The following DBX2 variants were observed in gnomAD, a reference collection of about 807,000 sequenced individuals.
DBX2 encodes developing brain homeobox 2.
Under a neutral mutation model 17.7 loss-of-function variants are expected in DBX2, and 16 were observed. The ratio of observed to expected loss-of-function variants is 0.90; its 90% CI spans 0.61 to 1.37. The LOEUF (loss-of-function observed/expected upper bound fraction) is 1.37, where lower values mean the gene tolerates loss of function less well. DBX2 is among the 40% of genes most tolerant of loss of function. DBX2 has a pLI of 0.00. For synonymous variants in DBX2, 255 were observed against 183.8 expected, an observed-to-expected ratio of 1.39 and a Z score of -3.13; for missense variants, 538 against 433.8, an observed-to-expected ratio of 1.24 and a Z score of -2.13.
chr12:45,014,725 A>G lies in DBX2; in HGVS notation c.*1561T>C, dbSNP rs897832517. 3.3e-5 allele frequency: 5 copies of G among 152,192 alleles called. No individual in the cohort carries two copies. Among genetic ancestry groups the G allele is most frequent in the Non-Finnish European group, 7.3e-5 (5 of 68,038 alleles). The allele number at this position is 152,192 out of a possible 1,614,324, so 9.4% of individuals were successfully genotyped here. Reference sequence around the variant, plus strand: ...CTTTTGTCAGCAGATCCCTGCTCCCATTCCCCACAATGAGGCACTGAGACA... The same window carrying G: ...CTTTTGTCAGCAGATCCCTGCTCCCGTTCCCCACAATGAGGCACTGAGACA... On this transcript the variant is annotated 3_prime_UTR_variant, in exon 4 of 4. Transcript: ENST00000332700.
intron 3 of DBX2, 72 bp downstream of exon 3, chr12:45,023,635 C>G: frequency 1.9e-6 from 3 of 1,586,672 alleles, no homozygotes; most frequent in Non-Finnish European, 2.6e-6. Context: ...GGCCCACCAC[C>G]CTGAACACAA....
chr12:45,029,690 C>A (rs1017490668), intron 2 of DBX2, among the ~76,000 whole-genome samples: 1 of 151,758 alleles, frequency 6.6e-6, no homozygotes, highest in Non-Finnish European at 1.5e-5. Flanking sequence ...CACGGTGAAA[C>A]CGTCTCTACT....
intron 2 of DBX2, among the ~76,000 whole-genome samples, chr12:45,026,550 C>T (rs897592283): frequency 2.6e-5 from 4 of 152,128 alleles, no homozygotes; most frequent in Non-Finnish European, 5.9e-5. Context: ...GAGACAGATA[C>T]CACAACAAAT....
intron 2 of DBX2, among the ~76,000 whole-genome samples, chr12:45,034,618 T>C (rs1263638406): frequency 6.6e-6 from 1 of 152,178 alleles, no homozygotes; most frequent in African/African-American, 2.4e-5. Flanking sequence ...TAATGGGCCC[T>C]ATGTATTCAG....
chr12:45,036,089 G>A lies in DBX2; in HGVS notation c.429C>T (p.Ser143=), dbSNP rs369603405. The change falls in exon 2 of 4, where the codon AGC becomes AGT. Residue 143 remains serine, a synonymous_variant. Transcript: ENST00000332700. The part of the protein sequence containing the change: ...APAPSKPFLL[S]TPPFYSACCG... ...AGCACGCCGAGTAGAATGGCGGGGT[G>A]CTCAGAAGGAAAGGTTTGGAAGGTG... 31 of 1,613,094 alleles carry A rather than the reference G, an allele frequency of 1.9e-5. No homozygotes were observed. The African/African-American group carries it at 3.2e-4, about 17-fold the overall frequency.
At chr12:45,018,630 T>C (rs1297284334) in intron 3 of DBX2, among the ~76,000 whole-genome samples, 4 of 151,834 alleles carry the variant, frequency 2.6e-5, no homozygotes, top group East Asian at 1.9e-4. Context: ...TACAAACATA[T>C]GAAAAAGCCA....
chr12:45,039,744 A>C (rs954469822), intron 1 of DBX2, among the ~76,000 whole-genome samples: 4 of 152,108 alleles, frequency 2.6e-5, no homozygotes, highest in Non-Finnish European at 5.9e-5. Flanking sequence ...AGGACGAGAA[A>C]AACAATAAAG....
intron 2 of DBX2, among the ~76,000 whole-genome samples, chr12:45,035,481 C>G (rs1946435084): frequency 6.6e-6 from 1 of 152,176 alleles, no homozygotes; most frequent in African/African-American, 2.4e-5. Context: ...TAAAATGTTG[C>G]TTTTACAATG....
intron 1 of DBX2, 82 bp downstream of exon 1, chr12:45,050,443 C>G (rs965960171): frequency 6.7e-7 from 1 of 1,495,906 alleles, no homozygotes; most frequent in Non-Finnish European, 8.9e-7. Context: ...GCGCAGTGCG[C>G]ACCGCCGGCG....
intron 1 of DBX2, 114 bp from the exon 2 acceptor site, chr12:45,036,228 T>C (rs1252022473): frequency 1.0e-6 from 1 of 955,036 alleles, no homozygotes; most frequent in Non-Finnish European, 1.5e-6. Flanking sequence ...TAATTTGTAT[T>C]GAAATTAAAG....
chr12:45,040,093 T>G (rs560025982), intron 1 of DBX2, among the ~76,000 whole-genome samples: 1 of 152,232 alleles, frequency 6.6e-6, no homozygotes, highest in East Asian at 1.9e-4. Context: ...GATTAACATT[T>G]GAGTCAGTGG....
rs1174696694 is a variant in DBX2, at chr12:45,023,754, T to C, written c.640A>G (p.Thr214Ala). Reference protein sequence around the residue: ...MFQKQKYISKTDRKKLAINLG... With the variant: ...MFQKQKYISKADRKKLAINLG... ...TTGATGGCAAGTTTCTTTCGGTCTG[T>C]TTTGCTGATATATTTCTGTTTCTGA... is the stretch of plus-strand genomic sequence containing the variant. The change falls in exon 3 of 4, where the codon ACA (threonine) becomes GCA (alanine). Residue 214 changes from threonine (T) to alanine (A), a missense_variant. Thr to Ala is a moderately conservative substitution (Grantham distance 58). Transcript: ENST00000332700. 1.2e-6 allele frequency: 2 copies of C among 1,614,168 alleles called. No individual in the cohort carries two copies. Among genetic ancestry groups the C allele is most frequent in the South Asian group, 2.2e-5 (2 of 91,076 alleles).
intron 1 of DBX2, among the ~76,000 whole-genome samples, chr12:45,037,862 G>GT (rs918397871): frequency 5.9e-5 from 9 of 151,604 alleles, no homozygotes; most frequent in African/African-American, 1.9e-4. Context: ...ATGCTTTTAG[G>GT]TTTTTTTTAA....
At chr12:45,021,904 G>T (rs990611555) in intron 3 of DBX2, among the ~76,000 whole-genome samples, 1 of 130,194 alleles carries the variant, frequency 7.7e-6, no homozygotes, top group African/African-American at 2.8e-5. Context: ...AGCTTCCACG[G>T]GGTGTGGAAG....
In DBX2 at chr12:45,050,818, C is replaced by T. The variant is rs1946528463; in HGVS notation, c.110G>A (p.Ser37Asn). The T allele has an allele frequency of 3.9e-6, 6 of 1,538,510 alleles. No homozygotes were observed. Among genetic ancestry groups the T allele is most frequent in the Non-Finnish European group, 5.2e-6 (6 of 1,144,982 alleles). ...CCGCAGCAAATTCTCGATCAGGAAACTCTTGCCCAGGTTGCCAAAGCCGGG... is the reference window on the plus strand; with the variant it reads ...CCGCAGCAAATTCTCGATCAGGAAATTCTTGCCCAGGTTGCCAAAGCCGGG... ...AAPGFGNLGKSFLIENLLRVG... is the reference protein window; with the variant it reads ...AAPGFGNLGKNFLIENLLRVG... The change falls in exon 1 of 4, where the codon AGT becomes AAT. Residue 37 changes from serine (S) to asparagine (N), a missense_variant. Physicochemically the swap from Ser to Asn is conservative, Grantham distance 46. Transcript: ENST00000332700.
intron 3 of DBX2, among the ~76,000 whole-genome samples, chr12:45,023,079 G>A (rs566310260): frequency 6.6e-6 from 1 of 152,240 alleles, no homozygotes; most frequent in African/African-American, 2.4e-5. Context: ...GTAATAAGTA[G>A]GCCAAACTTT....
At chr12:45,036,164 A>G in intron 1 of DBX2, 50 bp from the exon 2 acceptor site, 1 of 1,481,768 alleles carries the variant, frequency 6.7e-7, no homozygotes, top group Non-Finnish European at 9.1e-7. Context: ...TTAAGACAAT[A>G]TTCAAAACTC....
chr12:45,024,671 A>T (rs1946372116), intron 2 of DBX2, among the ~76,000 whole-genome samples: 1 of 152,230 alleles, frequency 6.6e-6, no homozygotes, highest in Non-Finnish European at 1.5e-5. Context: ...GAGAAATAAG[A>T]CAGGTATGTT....
chr12:45,022,298 GTTTT>G (rs745546411), intron 3 of DBX2, among the ~76,000 whole-genome samples: 1 of 82,518 alleles, frequency 1.2e-5, no homozygotes, highest in Admixed American at 1.8e-4. Flanking sequence ...AATAATAACT[GTTTT>G]TTTTTTTTTT....
Sources: gnomAD v4.1 joint callset for allele counts (sites outside exome capture counted in the v4.1 genomes callset) on GRCh38, gnomAD v4.1.1 for gene constraint, MANE v1.5 for transcripts, NCBI Gene and HGNC (gene_info 2026-07-23, HGNC 2026-07-21) for gene names.